DECR1: variants seen among roughly 807,000 people sequenced by gnomAD.
DECR1 encodes the protein 2,4-dienoyl-CoA reductase 1, also known as 2,4-dienoyl-CoA reductase [(3E)-enoyl-CoA-producing], mitochondrial.
In DECR1, 44 loss-of-function variants were observed where a neutral mutation model predicts 38.8. The observed-to-expected ratio is 1.13, with a 90% CI of 0.89 to 1.46. DECR1 has a LOEUF of 1.46. DECR1 is among the 40% of genes most tolerant of loss of function. DECR1 has a pLI of 0.00. For missense variants in DECR1, 428 were observed against 405.5 expected (o/e 1.06, Z -0.48); for synonymous variants, 148 against 135.2 (o/e 1.09, Z -0.66).
intron 1 of DECR1, among the ~76,000 whole-genome samples, chr8:90,008,380 C>T (rs1388288866): frequency 6.6e-6 from 1 of 152,194 alleles, no homozygotes; most frequent in Non-Finnish European, 1.5e-5. Flanking sequence ...CTACTGCCCT[C>T]GGTATCTCTC....
At chr8:90,041,500 A>G (rs997940117) in intron 6 of DECR1, among the ~76,000 whole-genome samples, 3 of 152,092 alleles carry the variant, frequency 2.0e-5, no homozygotes, top group African/African-American at 7.2e-5. Flanking sequence ...CCCATTTGTC[A>G]AGTTTGAACT....
At position 90,018,921 on chromosome 8, in the gene DECR1, T is replaced by A. The variant is rs1813077725; in HGVS notation, c.285T>A (p.Val95=). The change falls in exon 3 of 10, where the codon GTT becomes GTA. Residue 95 remains valine (V), a synonymous_variant. Transcript: ENST00000220764. ...TGTTTATTTCTAGGAAGATGGATGT[T>A]TTGAAAGCTACCGCAGAACAAATTT... ...QCVIASRKMD[V]LKATAEQISS... The A allele has an allele frequency of 1.3e-6, 2 of 1,591,864 alleles. No homozygotes were observed. Among genetic ancestry groups the A allele is most frequent in the African/African-American group, 2.7e-5 (2 of 74,140 alleles).
intron 1 of DECR1, among the ~76,000 whole-genome samples, chr8:90,009,851 A>G (rs1216159442): frequency 3.9e-5 from 6 of 152,130 alleles, no homozygotes; most frequent in African/African-American, 1.4e-4. Flanking sequence ...ATTTTGTTGT[A>G]TTGGAGAAGC....
chr8:90,008,952 A>G (rs2130008250), intron 1 of DECR1, among the ~76,000 whole-genome samples: 1 of 152,274 alleles, frequency 6.6e-6, no homozygotes, highest in South Asian at 2.1e-4. Flanking sequence ...TTGTTATACA[A>G]GTGTCCTAAT....
At chr8:90,044,546 T>G (rs1813836168) in intron 7 of DECR1, among the ~76,000 whole-genome samples, 1 of 152,240 alleles carries the variant, frequency 6.6e-6, no homozygotes. Flanking sequence ...CTTTACCACC[T>G]AAGCTTGTAC....
At position 90,051,844 on chromosome 8, in the gene DECR1, A is replaced by C. The variant is rs773862868; in HGVS notation, c.955A>C (p.Lys319Gln). The change falls in exon 10 of 10, where the codon AAG becomes CAG. Residue 319 changes from lysine to glutamine, a missense_variant. Lys to Gln is a moderately conservative substitution (Grantham distance 53). Transcript: ENST00000220764. ...GACATCTTTTTTGTGTTAGGTCACC[A>C]AGGAGCAGTGGGACACCATAGAAGA... is the stretch of plus-strand genomic sequence containing the variant. ...GEFNDLRKVTKEQWDTIEELI... is the reference protein window; with the variant it reads ...GEFNDLRKVTQEQWDTIEELI... The C allele has an allele frequency of 1.9e-6, 3 of 1,613,906 alleles. No individual in the cohort carries two copies. In the East Asian group the frequency reaches 6.7e-5, roughly 36 times the overall value.
chr8:90,022,545 G>A (rs1232388303), intron 5 of DECR1, among the ~76,000 whole-genome samples: 1 of 151,960 alleles, frequency 6.6e-6, no homozygotes, highest in Non-Finnish European at 1.5e-5. Flanking sequence ...AGTGGGAAGG[G>A]GGGACAGGGA....
chr8:90,037,207 C>T (rs111925878), intron 6 of DECR1, among the ~76,000 whole-genome samples: 7 of 152,290 alleles, frequency 4.6e-5, no homozygotes, highest in African/African-American at 1.7e-4. Context: ...GAATATCCCA[C>T]TGTGACTGAG....
chr8:90,019,196 A>G (rs1813087584), intron 4 of DECR1, 24 bp downstream of exon 4: 1 of 1,578,302 alleles, frequency 6.3e-7, no homozygotes, highest in Non-Finnish European at 8.7e-7. Context: ...TGATGAAGCC[A>G]AAGTGCAAGA....
At chr8:90,008,631 A>G (rs187183775) in intron 1 of DECR1, among the ~76,000 whole-genome samples, 1 of 152,302 alleles carries the variant, frequency 6.6e-6, no homozygotes, top group East Asian at 1.9e-4. Context: ...GTCCAAGCTC[A>G]TGTTGTTGGG....
intron 3 of DECR1, 37 bp from the exon 4 acceptor site, chr8:90,019,049 A>G: frequency 3.7e-6 from 6 of 1,608,180 alleles, no homozygotes; most frequent in Non-Finnish European, 5.1e-6. Flanking sequence ...GGTTTAAGAA[A>G]GCTGGAAAAT....
chr8:90,035,756 TTG>T (rs1813604793), intron 5 of DECR1, among the ~76,000 whole-genome samples: 1 of 152,088 alleles, frequency 6.6e-6, no homozygotes, highest in South Asian at 2.1e-4. Context: ...TGTTCTGTGT[TTG>T]TGTCTGTGTG....
intron 5 of DECR1, among the ~76,000 whole-genome samples, chr8:90,025,249 T>C (rs1490200957): frequency 6.6e-6 from 1 of 152,226 alleles, no homozygotes; most frequent in Non-Finnish European, 1.5e-5. Flanking sequence ...TTTTTTCCAA[T>C]TCTGTGAAGA....
In DECR1 at chr8:90,016,901, T is replaced by A. The variant is rs1455512802; in HGVS notation, c.70-223T>A. Reference sequence around the variant, plus strand: ...GTCAAATAACCTGCTGAAAGTTACATAGCTTGGGAGAAAATTCTGTGCTAT... The same window carrying A: ...GTCAAATAACCTGCTGAAAGTTACAAAGCTTGGGAGAAAATTCTGTGCTAT... On this transcript the variant is annotated intron_variant, in intron 1 of 9. Transcript: ENST00000220764. 3 of 449,736 alleles carry A rather than the reference T, an allele frequency of 6.7e-6. 1 individual carries two copies. In the South Asian group the frequency reaches 7.2e-5, roughly 11 times the overall value. 27.9% of individuals were successfully genotyped at this position (449,736 alleles called of 1,614,324 possible). A position where few individuals can be genotyped will look rare whatever the true frequency, so the allele number is the denominator to read the frequency against.
intron 5 of DECR1, among the ~76,000 whole-genome samples, chr8:90,034,839 T>C (rs1813580927): frequency 6.6e-6 from 1 of 152,190 alleles, no homozygotes; most frequent in Non-Finnish European, 1.5e-5. Context: ...ATAGCTTTTA[T>C]ACAATCATTT....
chr8:90,042,806 T>C lies in DECR1; in HGVS notation c.738+6T>C, dbSNP rs765177039. On this transcript the variant is annotated splice_donor_region_variant and intron_variant, in intron 7 of 9. Transcript: ENST00000220764. Reference sequence around the variant, plus strand: ...CAGGGCCTATAAAAACCAAAGTAAGTTGTATTTTGCTTGTTATCACATTGT... The same window carrying C: ...CAGGGCCTATAAAAACCAAAGTAAGCTGTATTTTGCTTGTTATCACATTGT... The C allele has an allele frequency of 2.5e-6, 4 of 1,609,632 alleles. No individual in the cohort carries two copies. In the African/African-American group the frequency reaches 5.3e-5, roughly 22 times the overall value.
At chr8:90,026,387 G>A (rs188083304) in intron 5 of DECR1, among the ~76,000 whole-genome samples, 1 of 152,194 alleles carries the variant, frequency 6.6e-6, no homozygotes, top group East Asian at 1.9e-4. Context: ...TTTAATTATT[G>A]CCTCAATTTC....
rs765758840 is a variant in DECR1 at position 90,041,758 on chromosome 8, A to G, written c.666-970A>G. On this transcript the variant is annotated intron_variant, in intron 6 of 9. Coordinates refer to ENST00000220764, the MANE Select transcript of DECR1 (RefSeq NM_001359.2). ...TTTGTGATGTGACTATTGCAGTTAT[A>G]TGGAACATCACACACTTCAGTACAT... 6.0e-4 allele frequency among the ~76,000 whole-genome samples: 91 copies of G among 152,120 alleles called. 1 individual carries two copies. Among genetic ancestry groups the G allele is most frequent in the Non-Finnish European group, 2.5e-4 (17 of 68,018 alleles).
chr8:90,044,342 A>G (rs1173309365), intron 7 of DECR1, among the ~76,000 whole-genome samples: 1 of 152,238 alleles, frequency 6.6e-6, no homozygotes, highest in African/African-American at 2.4e-5. Flanking sequence ...GTTCCTTCAC[A>G]TCATTGACAG....
Sources: allele counts gnomAD v4.1 joint callset (sites outside exome capture counted in the v4.1 genomes callset), GRCh38; gene constraint gnomAD v4.1.1; transcripts MANE v1.5; gene names NCBI Gene and HGNC (gene_info 2026-07-23, HGNC 2026-07-21).